The following RORA variants were observed in gnomAD, a reference collection of about 807,000 sequenced individuals.
RORA encodes RAR related orphan receptor A.
A neutral mutation model predicts 69.5 loss-of-function variants in RORA; 7 were observed. That is an observed-to-expected ratio of 0.10 (90% CI 0.06 to 0.19). The LOEUF (loss-of-function observed/expected upper bound fraction) is 0.19. RORA is among the 10% of genes least tolerant of loss of function. The probability of loss-of-function intolerance (pLI) is 1.00; values close to 1 mark genes in which losing one functional copy is unlikely to be tolerated. For missense variants in RORA, 457 were observed against 663.0 expected, an observed-to-expected ratio of 0.69 and a Z score of 3.41; for synonymous variants, 261 against 240.8, an observed-to-expected ratio of 1.08 and a Z score of -0.78.
At chr15:60,766,218 T>C (rs1489430191) in intron 1 of RORA, among the ~76,000 whole-genome samples, 3 of 152,238 alleles carry the variant, frequency 2.0e-5, no homozygotes, top group South Asian at 2.1e-4. Context: ...GAATTGTGTG[T>C]GAGCCTGTGA....
intron 1 of RORA, among the ~76,000 whole-genome samples, chr15:61,174,908 G>C (rs780595701): frequency 2.0e-5 from 3 of 152,186 alleles, no homozygotes; most frequent in Non-Finnish European, 4.4e-5. Flanking sequence ...TGAGCCCAGA[G>C]AGGTTAAATA....
intron 3 of RORA, among the ~76,000 whole-genome samples, chr15:60,518,512 A>G (rs1378605163): frequency 6.6e-6 from 1 of 152,226 alleles, no homozygotes; most frequent in Non-Finnish European, 1.5e-5. Flanking sequence ...ACATACAGCA[A>G]ACAACCTGCT....
intron 1 of RORA, among the ~76,000 whole-genome samples, chr15:60,726,189 A>G (rs763134677): frequency 6.6e-6 from 1 of 152,062 alleles, no homozygotes; most frequent in Non-Finnish European, 1.5e-5. Context: ...TCTTTCCCCT[A>G]TATTGCTTTC....
At chr15:61,183,543 A>AC (rs2079709396) in intron 1 of RORA, among the ~76,000 whole-genome samples, 1 of 151,792 alleles carries the variant, frequency 6.6e-6, no homozygotes, top group Admixed American at 6.6e-5. Context: ...CAAAAAAAAA[A>AC]AAAAAAGGAA....
At chr15:60,584,832 C>A (rs762555959) in intron 2 of RORA, among the ~76,000 whole-genome samples, 2 of 152,038 alleles carry the variant, frequency 1.3e-5, no homozygotes, top group Non-Finnish European at 2.9e-5. Flanking sequence ...TTCTGGGTGG[C>A]GCAGTTTGTA....
intron 1 of RORA, among the ~76,000 whole-genome samples, chr15:61,151,040 C>T (rs1415969488): frequency 3.3e-5 from 5 of 152,218 alleles, no homozygotes; most frequent in Admixed American, 2.0e-4. Context: ...AAGTAAGTTG[C>T]ACACATGCTG....
chr15:61,057,714 G>A (rs2078115267), intron 1 of RORA, among the ~76,000 whole-genome samples: 1 of 152,130 alleles, frequency 6.6e-6, no homozygotes, highest in Admixed American at 6.5e-5. Flanking sequence ...AGAAACCATG[G>A]AAAAGTGCTA....
intron 1 of RORA, among the ~76,000 whole-genome samples, chr15:61,185,301 T>C (rs1166685774): frequency 2.0e-5 from 3 of 152,130 alleles, no homozygotes; most frequent in African/African-American, 7.2e-5. Flanking sequence ...CCAGACCTGT[T>C]GATCCCATCT....
intron 1 of RORA, among the ~76,000 whole-genome samples, chr15:61,067,873 G>A (rs2078287101): frequency 6.6e-6 from 1 of 152,158 alleles, no homozygotes; most frequent in Non-Finnish European, 1.5e-5. Flanking sequence ...AAATCCCTTG[G>A]CTACTTTAGC....
At chr15:60,897,290 T>C (rs1294684853) in intron 1 of RORA, among the ~76,000 whole-genome samples, 3 of 152,224 alleles carry the variant, frequency 2.0e-5, no homozygotes, top group Non-Finnish European at 4.4e-5. Context: ...TTATTACATA[T>C]CAGGGCCTTT....
chr15:60,736,042 C>T (rs1473649134), intron 1 of RORA, among the ~76,000 whole-genome samples: 6 of 152,130 alleles, frequency 3.9e-5, no homozygotes, highest in South Asian at 2.1e-4. Flanking sequence ...AACTTTAAGG[C>T]GTCATCTAGG....
At chr15:61,032,628 T>G (rs1896232419) in intron 1 of RORA, among the ~76,000 whole-genome samples, 1 of 152,168 alleles carries the variant, frequency 6.6e-6, no homozygotes, top group African/African-American at 2.4e-5. Context: ...CTAAAGTCAT[T>G]TTGAAAACAA....
intron 1 of RORA, among the ~76,000 whole-genome samples, chr15:60,984,588 A>C (rs897435883): frequency 2.0e-5 from 3 of 152,154 alleles, no homozygotes; most frequent in Non-Finnish European, 4.4e-5. Flanking sequence ...ATAATAAGGC[A>C]CTGTCTGTAA....
At chr15:61,219,384 C>T (rs990874877) in intron 1 of RORA, among the ~76,000 whole-genome samples, 28 of 152,154 alleles carry the variant, frequency 1.8e-4, no homozygotes, top group Admixed American at 1.4e-3. Context: ...ACCAACCTGG[C>T]GAACACGGTG....
At chr15:60,790,823 C>T (rs1398237531) in intron 1 of RORA, among the ~76,000 whole-genome samples, 1 of 152,182 alleles carries the variant, frequency 6.6e-6, no homozygotes, top group African/African-American at 2.4e-5. Flanking sequence ...TCTGGCCTAG[C>T]TTCAATTTCA....
chr15:60,525,738 T>C (rs1042690544), intron 3 of RORA, among the ~76,000 whole-genome samples: 5 of 152,222 alleles, frequency 3.3e-5, no homozygotes, highest in African/African-American at 1.2e-4. Flanking sequence ...TATGTCTACC[T>C]TTCATTTTAC....
intron 1 of RORA, among the ~76,000 whole-genome samples, chr15:60,964,570 T>C (rs1486873109): frequency 6.6e-6 from 1 of 152,150 alleles, no homozygotes; most frequent in African/African-American, 2.4e-5. Context: ...ATAAGATGGC[T>C]AGTAAATACT....
chr15:61,225,198 A>G (rs766606612), intron 1 of RORA, among the ~76,000 whole-genome samples: 106 of 152,290 alleles, frequency 7.0e-4, no homozygotes, highest in Middle Eastern at 6.8e-3. Context: ...ATTTACCGGA[A>G]AATTAAAGTC....
chr15:60,815,032 C>A (rs1346281768), intron 1 of RORA, among the ~76,000 whole-genome samples: 3 of 152,066 alleles, frequency 2.0e-5, no homozygotes, highest in Non-Finnish European at 4.4e-5. Flanking sequence ...AACATAAAAA[C>A]CCCCAGGTTT....
Sources: allele counts gnomAD v4.1 joint callset (sites outside exome capture counted in the v4.1 genomes callset), GRCh38; gene constraint gnomAD v4.1.1; transcripts MANE v1.5; gene names NCBI Gene and HGNC (gene_info 2026-07-23, HGNC 2026-07-21).